Variants in SNX4 observed in about 807,000 individuals in gnomAD.
SNX4 encodes sorting nexin-4.
A neutral mutation model predicts 70.8 loss-of-function variants in SNX4; 49 were observed. That is an observed-to-expected ratio of 0.69 (90% CI 0.55 to 0.88). The LOEUF (loss-of-function observed/expected upper bound fraction) is 0.88. SNX4 is among the 40% of genes least tolerant of loss of function. SNX4 has a pLI of 0.00. For synonymous variants in SNX4, 206 were observed against 183.8 expected (o/e 1.12, Z -0.98); for missense variants, 528 against 544.8 (o/e 0.97, Z 0.31).
At chr3:125,476,222 C>A (rs916372031) in intron 8 of SNX4, among the ~76,000 whole-genome samples, 2 of 141,138 alleles carry the variant, frequency 1.4e-5, no homozygotes, top group Non-Finnish European at 3.0e-5. Flanking sequence ...GCTGAGATTG[C>A]GCCACTGCAT....
intron 2 of SNX4, among the ~76,000 whole-genome samples, chr3:125,500,127 C>T (rs1934894266): frequency 6.6e-6 from 1 of 151,612 alleles, no homozygotes; most frequent in Non-Finnish European, 1.5e-5. Flanking sequence ...TCATTATAAA[C>T]TGACTAAAAG....
chr3:125,496,346 A>G (rs1249135927), intron 5 of SNX4, among the ~76,000 whole-genome samples: 1 of 152,042 alleles, frequency 6.6e-6, no homozygotes, highest in Non-Finnish European at 1.5e-5. Flanking sequence ...TTATGACAGA[A>G]CTGGTTTATC....
At chr3:125,463,804 T>C (rs1024168242) in intron 9 of SNX4, among the ~76,000 whole-genome samples, 3 of 152,226 alleles carry the variant, frequency 2.0e-5, no homozygotes, top group Non-Finnish European at 2.9e-5. Flanking sequence ...GGTGAGAATA[T>C]TTAAGATCTA....
chr3:125,457,544 GAACCTAACCATAA>G (rs533885657), intron 10 of SNX4, among the ~76,000 whole-genome samples, 179 bp from the exon 11 acceptor site: 3 of 147,074 alleles, frequency 2.0e-5, no homozygotes, highest in Non-Finnish European at 4.5e-5. Context: ...GAATCTAGCA[GAACCTAACCATAA>G]AAACTTCATA....
In SNX4 at chr3:125,451,436, A is replaced by G; in HGVS notation, c.1191-17T>C. Reference sequence around the variant, plus strand: ...ACAAATTCTCTGAAATAAAAGGTATAGCCATTATTATTATTTAAGTTAAAT... The same window carrying G: ...ACAAATTCTCTGAAATAAAAGGTATGGCCATTATTATTATTTAAGTTAAAT... On this transcript the variant is annotated splice_polypyrimidine_tract_variant and intron_variant, in intron 12 of 13. Transcript: ENST00000251775. 1 of 1,532,654 alleles carries G rather than the reference A, an allele frequency of 6.5e-7. No individual in the cohort carries two copies. Among genetic ancestry groups the G allele is most frequent in the Non-Finnish European group, 9.0e-7 (1 of 1,109,014 alleles). The allele number at this position is 1,532,654 out of a possible 1,614,324, so 94.9% of individuals were successfully genotyped here.
intron 2 of SNX4, among the ~76,000 whole-genome samples, chr3:125,503,594 G>C (rs186106393): frequency 6.6e-6 from 1 of 151,798 alleles, no homozygotes; most frequent in South Asian, 2.1e-4. Context: ...TTAATTTTTT[G>C]TAACTCCCAA....
chr3:125,508,967 A>G (rs969019750), intron 1 of SNX4, among the ~76,000 whole-genome samples: 2 of 152,204 alleles, frequency 1.3e-5, no homozygotes, highest in African/African-American at 2.4e-5. Context: ...TATGACACCA[A>G]AGGCACAGGC....
At chr3:125,508,660 G>A (rs543308814) in intron 1 of SNX4, among the ~76,000 whole-genome samples, 6 of 151,978 alleles carry the variant, frequency 3.9e-5, no homozygotes, top group South Asian at 2.1e-4. Flanking sequence ...TAACAACAAC[G>A]TGGTACTGTC....
chr3:125,450,739 C>A (rs1933550330), intron 13 of SNX4, among the ~76,000 whole-genome samples: 1 of 152,172 alleles, frequency 6.6e-6, no homozygotes, highest in Admixed American at 6.5e-5. Context: ...TGGATATCAG[C>A]AACACAAATG....
At position 125,498,124 on chromosome 3, in the gene SNX4, A is replaced by G. The variant is rs376150601; in HGVS notation, c.334T>C (p.Leu112=). Residue 112 remains leucine, a synonymous_variant, in exon 3 of 14, where the codon TTG becomes CTG. Coordinates refer to ENST00000251775, the MANE Select transcript of SNX4 (RefSeq NM_003794.4). ...TAAACTAAAAGGTAGCTTCTCAACA[A>G]CTCAAATTCACTATATCGCCGCCAT... ...SLWRRYSEFE[L]LRSYLLVYYP... 11 of 1,614,028 alleles carry G rather than the reference A, an allele frequency of 6.8e-6. 1 individual carries two copies. The highest frequency in any genetic ancestry group is 8.5e-6 in the Non-Finnish European group (10 of 1,179,996).
chr3:125,451,634 CT>C (rs1354125997), intron 12 of SNX4, among the ~76,000 whole-genome samples: 10 of 148,480 alleles, frequency 6.7e-5, no homozygotes, highest in Non-Finnish European at 7.5e-5. Flanking sequence ...TCTACTTTTT[CT>C]TTTTTTTTTG....
intron 2 of SNX4, among the ~76,000 whole-genome samples, chr3:125,499,032 T>C (rs61186555): frequency 2.5e-3 from 383 of 152,290 alleles, no homozygotes; most frequent in African/African-American, 8.9e-3. Flanking sequence ...TAGTTAGCTC[T>C]GAAAGAGTGG....
intron 8 of SNX4, among the ~76,000 whole-genome samples, chr3:125,473,382 C>G (rs1171985766): frequency 1.3e-5 from 2 of 152,078 alleles, no homozygotes; most frequent in Non-Finnish European, 2.9e-5. Flanking sequence ...GATGTACTTA[C>G]CCATTTTCCC....
At chr3:125,516,582 T>C (rs1417781423) in intron 1 of SNX4, among the ~76,000 whole-genome samples, 2 of 152,224 alleles carry the variant, frequency 1.3e-5, no homozygotes, top group African/African-American at 4.8e-5. Context: ...GGCTCACGCC[T>C]GTAATCCCAG....
chr3:125,466,101 AAATT>A (rs1934006807), intron 9 of SNX4, among the ~76,000 whole-genome samples: 1 of 151,550 alleles, frequency 6.6e-6, no homozygotes, highest in African/African-American at 2.4e-5. Context: ...ATCTTTCATT[AAATT>A]AATACCTAAG....
intron 9 of SNX4, among the ~76,000 whole-genome samples, chr3:125,463,335 A>G (rs1933929439): frequency 6.6e-6 from 1 of 152,220 alleles, no homozygotes; most frequent in African/African-American, 2.4e-5. Context: ...TGATTCTGGA[A>G]GAGTTAATGT....
At chr3:125,498,429 C>T (rs1934858982) in intron 2 of SNX4, among the ~76,000 whole-genome samples, 1 of 152,154 alleles carries the variant, frequency 6.6e-6, no homozygotes, top group Non-Finnish European at 1.5e-5. Flanking sequence ...AGGCAATCCT[C>T]CCACCTCAGC....
At chr3:125,458,758 T>C (rs922154284) in intron 10 of SNX4, among the ~76,000 whole-genome samples, 13 of 132,072 alleles carry the variant, frequency 9.8e-5, no homozygotes, top group Admixed American at 1.9e-4. Context: ...GAGCCTGCAG[T>C]GAGCCGAGAT....
At chr3:125,482,857 G>A (rs1579992464) in intron 6 of SNX4, among the ~76,000 whole-genome samples, 1 of 152,208 alleles carries the variant, frequency 6.6e-6, no homozygotes, top group South Asian at 2.1e-4. Context: ...AGGGATAAAA[G>A]AGTTGGCAAG....
Sources: gnomAD v4.1 joint callset for allele counts (sites outside exome capture counted in the v4.1 genomes callset) on GRCh38, gnomAD v4.1.1 for gene constraint, MANE v1.5 for transcripts, NCBI Gene and HGNC (gene_info 2026-07-23, HGNC 2026-07-21) for gene names.